Variants in DACH1 observed in about 807,000 individuals in gnomAD.
DACH1 encodes the protein dachshund family transcription factor 1, also known as dachshund homolog 1.
DACH1 carries 12 observed loss-of-function variants against 54.2 expected under a neutral mutation model. That is an observed-to-expected ratio of 0.22 (90% CI 0.14 to 0.36). The LOEUF (loss-of-function observed/expected upper bound fraction) is 0.36, where lower values mean the gene tolerates loss of function less well. Ranked by LOEUF, DACH1 falls within the 10% of genes least tolerant of loss-of-function variation. The pLI, the probability that DACH1 is intolerant of heterozygous loss-of-function variation, is 1.00. For missense variants in DACH1, 805 were observed against 929.8 expected (o/e 0.87, Z 1.75); for synonymous variants, 386 against 366.2 (o/e 1.05, Z -0.62).
chr13:71,575,455 T>C lies in DACH1; in HGVS notation c.1127-2443A>G, dbSNP rs1412144411. Among the ~76,000 whole-genome samples the C allele has an allele frequency of 5.3e-5, 8 of 152,182 alleles. No homozygotes were observed. The East Asian group carries it at 1.2e-3, about 22-fold the overall frequency. ...TCACTTAAACTAATTTCCTCTTTTA[T>C]TGAAGTCCTTACTGCCACGATAAAT... On this transcript the variant is annotated intron_variant, in intron 3 of 10. Transcript: ENST00000613252.
chr13:71,662,892 TG>T (rs1227165808), intron 2 of DACH1, among the ~76,000 whole-genome samples: 1 of 151,968 alleles, frequency 6.6e-6, no homozygotes, highest in Non-Finnish European at 1.5e-5. Context: ...GTAACTCTCT[TG>T]GTATTGCTAC....
At chr13:71,535,654 T>C (rs747008031) in intron 6 of DACH1, among the ~76,000 whole-genome samples, 1 of 152,034 alleles carries the variant, frequency 6.6e-6, no homozygotes, top group Non-Finnish European at 1.5e-5. Flanking sequence ...ATATTTATAG[T>C]GTCCTCTTGT....
intron 1 of DACH1, among the ~76,000 whole-genome samples, chr13:71,811,289 G>A (rs1394225393): frequency 6.6e-6 from 1 of 151,912 alleles, no homozygotes; most frequent in Non-Finnish European, 1.5e-5. Flanking sequence ...AATTATCACA[G>A]TGTGAAATAT....
intron 10 of DACH1, among the ~76,000 whole-genome samples, chr13:71,455,873 T>C (rs1470147647): frequency 6.6e-6 from 1 of 152,150 alleles, no homozygotes; most frequent in Admixed American, 6.6e-5. Context: ...TCATACTTCA[T>C]ATTTTCTAAG....
intron 1 of DACH1, among the ~76,000 whole-genome samples, chr13:71,754,908 C>T (rs1339858089): frequency 1.3e-5 from 2 of 152,134 alleles, no homozygotes; most frequent in East Asian, 3.9e-4. Flanking sequence ...TGGGTCACAT[C>T]GCTTTTAATA....
intron 1 of DACH1, among the ~76,000 whole-genome samples, chr13:71,845,096 C>T (rs1210233982): frequency 6.6e-6 from 1 of 151,890 alleles, no homozygotes; most frequent in East Asian, 1.9e-4. Context: ...GTTCAAATAG[C>T]TAGAAGGAAG....
intron 1 of DACH1, among the ~76,000 whole-genome samples, chr13:71,710,350 T>G: frequency 6.6e-6 from 1 of 152,178 alleles, no homozygotes; most frequent in East Asian, 1.9e-4. Context: ...CCACGCAAAT[T>G]GGACCATTGA....
intron 1 of DACH1, among the ~76,000 whole-genome samples, chr13:71,770,238 T>A (rs1021613607): frequency 1.3e-5 from 2 of 151,714 alleles, no homozygotes; most frequent in Non-Finnish European, 3.0e-5. Flanking sequence ...ACCAGAGTCT[T>A]ACTTCTTATC....
intron 1 of DACH1, among the ~76,000 whole-genome samples, chr13:71,754,455 T>C (rs1481348765): frequency 6.6e-6 from 1 of 152,172 alleles, no homozygotes; most frequent in Non-Finnish European, 1.5e-5. Context: ...GGATGATGAC[T>C]CTCAGTATTT....
chr13:71,764,641 C>T (rs955309647), intron 1 of DACH1, among the ~76,000 whole-genome samples: 3 of 152,036 alleles, frequency 2.0e-5, no homozygotes, highest in Non-Finnish European at 2.9e-5. Context: ...GTTTTCACTC[C>T]CCATATCTAA....
At chr13:71,566,723 G>A (rs1327619873) in intron 4 of DACH1, among the ~76,000 whole-genome samples, 1 of 151,576 alleles carries the variant, frequency 6.6e-6, no homozygotes, top group African/African-American at 2.4e-5. Context: ...TTCTTTTTTA[G>A]GTTAACATCT....
At chr13:71,519,378 G>A (rs1881401499) in intron 6 of DACH1, among the ~76,000 whole-genome samples, 1 of 151,670 alleles carries the variant, frequency 6.6e-6, no homozygotes, top group South Asian at 2.1e-4. Flanking sequence ...GTAAATTTGT[G>A]GCTATAGGCT....
At chr13:71,643,242 T>C (rs1174572261) in intron 2 of DACH1, among the ~76,000 whole-genome samples, 2 of 152,184 alleles carry the variant, frequency 1.3e-5, no homozygotes, top group Non-Finnish European at 2.9e-5. Context: ...GATTTCATAA[T>C]TCAGCCATTT....
At chr13:71,443,589 A>G (rs751108273) in intron 10 of DACH1, among the ~76,000 whole-genome samples, 1 of 152,202 alleles carries the variant, frequency 6.6e-6, no homozygotes. Context: ...GATATAAAAT[A>G]TAACCTAAGA....
chr13:71,778,927 C>T (rs1182224696), intron 1 of DACH1, among the ~76,000 whole-genome samples: 5 of 151,668 alleles, frequency 3.3e-5, no homozygotes, highest in Admixed American at 3.3e-4. Context: ...TCATTGTAAC[C>T]ATTCATATAC....
chr13:71,578,866 T>C (rs1488389224), intron 3 of DACH1, among the ~76,000 whole-genome samples: 1 of 152,190 alleles, frequency 6.6e-6, no homozygotes, highest in Non-Finnish European at 1.5e-5. Context: ...AAAAAAGAAC[T>C]GGTTGTCTTT....
intron 1 of DACH1, among the ~76,000 whole-genome samples, chr13:71,851,257 A>G (rs1443481548): frequency 6.6e-6 from 1 of 152,218 alleles, no homozygotes; most frequent in Admixed American, 6.5e-5. Flanking sequence ...TTTTGTTTCA[A>G]AACTTTGGTT....
At chr13:71,554,663 C>G (rs1223263233) in intron 6 of DACH1, among the ~76,000 whole-genome samples, 1 of 152,040 alleles carries the variant, frequency 6.6e-6, no homozygotes. Context: ...TAATTCAGCC[C>G]AGATCAGTAT....
chr13:71,741,512 T>C (rs147200827), intron 1 of DACH1, among the ~76,000 whole-genome samples: 1 of 152,268 alleles, frequency 6.6e-6, no homozygotes, highest in East Asian at 1.9e-4. Flanking sequence ...CTTCTTTATT[T>C]TATTTAGTAT....
Sources: gnomAD v4.1 joint callset for allele counts (sites outside exome capture counted in the v4.1 genomes callset) on GRCh38, gnomAD v4.1.1 for gene constraint, MANE v1.5 for transcripts, NCBI Gene and HGNC (gene_info 2026-07-23, HGNC 2026-07-21) for gene names.